Variants in R3HDM1 observed in about 807,000 individuals in gnomAD.
R3HDM1 encodes the protein R3H domain-containing protein 1.
Under a neutral mutation model 141.1 loss-of-function variants are expected in R3HDM1, and 46 were observed. The observed-to-expected ratio is 0.33, with a 90% confidence interval of 0.26 to 0.42. The LOEUF is 0.42. Among genes scored for constraint, R3HDM1 ranks in the 10% least tolerant of loss-of-function variants. The pLI, the probability that R3HDM1 is intolerant of heterozygous loss-of-function variation, is 1.00. For missense variants in R3HDM1, 1,184 were observed against 1,368.3 expected, an observed-to-expected ratio of 0.87 and a Z score of 2.12; for synonymous variants, 435 against 472.9, an observed-to-expected ratio of 0.92 and a Z score of 1.04.
chr2:135,638,967 C>G lies in R3HDM1; in HGVS notation c.1064C>G (p.Ser355Trp), dbSNP rs751759856. 3.1e-6 allele frequency: 5 copies of G among 1,613,998 alleles called. No individual in the cohort carries two copies. Among genetic ancestry groups the G allele is most frequent in the East Asian group, 4.5e-5 (2 of 44,900 alleles). ...QSSTENELKY[S>W]EPRPWSSTDS... Reference sequence around the variant, plus strand: ...AGCACTGAGAATGAGTTGAAGTACTCGGAACCACGACCCTGGAGCAGCACA... The same window carrying G: ...AGCACTGAGAATGAGTTGAAGTACTGGGAACCACGACCCTGGAGCAGCACA... The change falls in exon 14 of 27, where the codon TCG becomes TGG. Residue 355 changes from serine to tryptophan, a missense_variant. Around this residue, in one of 5 missense-constraint regions of R3HDM1, gnomAD observed 240 missense variants for 312.3 expected, o/e 0.77. Transcript: ENST00000683871.
intron 1 of R3HDM1, among the ~76,000 whole-genome samples, chr2:135,579,836 A>G (rs146759685): frequency 6.8e-4 from 103 of 152,298 alleles, no homozygotes; most frequent in African/African-American, 2.4e-3. Flanking sequence ...TAATTTTCTG[A>G]TATCAGTAAT....
chr2:135,684,606 A>AC (rs1168203138), intron 21 of R3HDM1, among the ~76,000 whole-genome samples: 1 of 151,766 alleles, frequency 6.6e-6, no homozygotes, highest in Non-Finnish European at 1.5e-5. Flanking sequence ...GCCCTGCTCC[A>AC]CCCCCCATCC....
intron 24 of R3HDM1, 183 bp from the exon 25 acceptor site, chr2:135,721,727 ACAGGCGCCCACCAC>A: frequency 2.4e-6 from 1 of 423,822 alleles, no homozygotes; most frequent in East Asian, 4.9e-5. Context: ...AGCTAGAATT[ACAGGCGCCCACCAC>A]CAGGCCTGGC....
chr2:135,636,955 T>C (rs2105234014), intron 11 of R3HDM1, among the ~76,000 whole-genome samples: 1 of 152,308 alleles, frequency 6.6e-6, no homozygotes, highest in East Asian at 1.9e-4. Context: ...AACAACCCTA[T>C]ATGGTAGATA....
chr2:135,679,562 G>A (rs952507769), intron 20 of R3HDM1, among the ~76,000 whole-genome samples: 2 of 152,116 alleles, frequency 1.3e-5, no homozygotes, highest in African/African-American at 2.4e-5. Flanking sequence ...TTCTACCTGA[G>A]GTAAACTGTG....
At chr2:135,596,352 C>T (rs182614711) in intron 1 of R3HDM1, among the ~76,000 whole-genome samples, 1 of 152,190 alleles carries the variant, frequency 6.6e-6, no homozygotes, top group Admixed American at 6.5e-5. Context: ...TTGTTATTCT[C>T]ATTTATTTTC....
At chr2:135,627,175 A>G (rs1187959613) in intron 7 of R3HDM1, among the ~76,000 whole-genome samples, 1 of 152,206 alleles carries the variant, frequency 6.6e-6, no homozygotes, top group East Asian at 1.9e-4. Context: ...TGAAGCATAC[A>G]GCTAATTGCC....
chr2:135,664,491 G>A (rs766410578), intron 19 of R3HDM1, among the ~76,000 whole-genome samples: 1 of 152,048 alleles, frequency 6.6e-6, no homozygotes, highest in African/African-American at 2.4e-5. Flanking sequence ...AAGAAATTTT[G>A]CCCTAAATTA....
At chr2:135,648,513 C>T (rs2064740093) in intron 16 of R3HDM1, among the ~76,000 whole-genome samples, 1 of 152,124 alleles carries the variant, frequency 6.6e-6, no homozygotes, top group East Asian at 1.9e-4. Context: ...GAAGGAGATG[C>T]ATGAATATAC....
At chr2:135,544,766 G>A (rs1167704663) in intron 1 of R3HDM1, among the ~76,000 whole-genome samples, 3 of 152,102 alleles carry the variant, frequency 2.0e-5, no homozygotes, top group African/African-American at 7.2e-5. Flanking sequence ...CTTGAGACCA[G>A]CTTGGGCAAC....
chr2:135,685,266 C>A (rs901369249), intron 21 of R3HDM1, among the ~76,000 whole-genome samples: 2 of 152,130 alleles, frequency 1.3e-5, no homozygotes, highest in African/African-American at 4.8e-5. Context: ...TGCTAGTTAA[C>A]CCGTGTTTCT....
intron 1 of R3HDM1, among the ~76,000 whole-genome samples, chr2:135,560,971 C>A (rs1194100179): frequency 6.6e-6 from 1 of 152,196 alleles, no homozygotes; most frequent in Non-Finnish European, 1.5e-5. Context: ...AAGGGACATA[C>A]AGAAACAGGC....
At chr2:135,588,909 CTTCTT>C (rs1376654096) in intron 1 of R3HDM1, among the ~76,000 whole-genome samples, 1 of 151,956 alleles carries the variant, frequency 6.6e-6, no homozygotes, top group Non-Finnish European at 1.5e-5. Context: ...CTAGTATTTT[CTTCTT>C]TTGTTTTTAA....
intron 1 of R3HDM1, chr2:135,586,727 G>A (rs1708013762): frequency 1.0e-6 from 1 of 985,222 alleles, no homozygotes; most frequent in South Asian, 4.7e-5. Context: ...CTCAGCTGTA[G>A]CACCAATTTC....
In R3HDM1 at chr2:135,712,933, TAAA is replaced by T. The variant is rs372924005; in HGVS notation, c.2737-2614_2737-2612del. 1.8e-4 allele frequency among the ~76,000 whole-genome samples: 27 copies of T among 148,294 alleles called. No homozygotes were observed. In the East Asian group the frequency reaches 2.0e-3, roughly 11 times the overall value. On this transcript the variant is annotated intron_variant, in intron 23 of 26. Transcript: ENST00000683871. ...AAGACTCCGTCTCAAAAAAAATAAA[TAAA>T]AATAAAAAAAATCCCAGCACTTTGG...
chr2:135,654,863 A>AGTGTGTGTGTGT (rs60593262), intron 18 of R3HDM1, among the ~76,000 whole-genome samples: 1 of 136,712 alleles, frequency 7.3e-6, no homozygotes, highest in Admixed American at 7.0e-5. Flanking sequence ...GTGTATATAA[A>AGTGTGTGTGTGT]GTGTGTGTGT....
chr2:135,675,556 A>G (rs1574934445), intron 20 of R3HDM1, 70 bp downstream of exon 20: 1 of 1,426,758 alleles, frequency 7.0e-7, no homozygotes, highest in Non-Finnish European at 9.6e-7. Flanking sequence ...ACTACAATAC[A>G]TCTTCTATGC....
chr2:135,689,733 T>C (rs2072005733), intron 21 of R3HDM1, among the ~76,000 whole-genome samples: 1 of 152,212 alleles, frequency 6.6e-6, no homozygotes, highest in Non-Finnish European at 1.5e-5. Context: ...CAACATATAC[T>C]GTCACTTTAA....
At chr2:135,630,140 G>C (rs893867651) in intron 7 of R3HDM1, among the ~76,000 whole-genome samples, 1 of 151,414 alleles carries the variant, frequency 6.6e-6, no homozygotes, top group African/African-American at 2.4e-5. Flanking sequence ...AGTCTGGCGT[G>C]GTGGTGCATG....
Sources: allele counts gnomAD v4.1 joint callset (sites outside exome capture counted in the v4.1 genomes callset), GRCh38; gene constraint gnomAD v4.1.1; regional missense constraint gnomAD v4.1.1; transcripts MANE v1.5; gene names NCBI Gene and HGNC (gene_info 2026-07-23, HGNC 2026-07-21).